Variants in NCF4 observed in about 807,000 individuals in gnomAD.
NCF4 encodes the protein neutrophil cytosol factor 4.
NCF4 carries 30 observed loss-of-function variants against 41.7 expected under a neutral mutation model. That is an observed-to-expected ratio of 0.72 (90% confidence interval 0.54 to 0.97). NCF4 has a LOEUF of 0.97. NCF4 is among the 50% of genes least tolerant of loss of function. NCF4 has a pLI of 0.00. For missense variants in NCF4, 432 were observed against 460.9 expected (o/e 0.94, Z 0.57); for synonymous variants, 195 against 175.8 (o/e 1.11, Z -0.87).
At position 36,871,917 on chromosome 22, in the gene NCF4, G is replaced by A. The variant is rs12160812; in HGVS notation, c.528+208G>A. Among the ~76,000 whole-genome samples the A allele has an allele frequency of 0.019, 2,934 of 152,338 alleles. 105 individuals are homozygous for A. Among genetic ancestry groups the A allele is most frequent in the African/African-American group, 0.068 (2,827 of 41,574 alleles). On this transcript the variant is annotated intron_variant, in intron 6 of 9. Transcript: ENST00000248899. Reference sequence around the variant, plus strand: ...AGGGGAGGGCATGTGACCAGCGTGCGGAGCCAGAGGAGAATGCTTCCATCC... The same window carrying A: ...AGGGGAGGGCATGTGACCAGCGTGCAGAGCCAGAGGAGAATGCTTCCATCC...
chr22:36,865,210 T>C lies in NCF4; in HGVS notation c.271+138T>C. On this transcript the variant is annotated intron_variant, in intron 3 of 9. Coordinates refer to ENST00000248899, the MANE Select transcript of NCF4 (RefSeq NM_000631.5). This position sits in a 1 kb window ranked among gnomAD's most constrained non-coding sequence, Gnocchi z 4.3. Reference sequence around the variant, plus strand: ...GTTTATAGCCCCCACTCCCGGCAGTTACAGGCTGCCAAGCCCTCCCTGCAT... The same window carrying C: ...GTTTATAGCCCCCACTCCCGGCAGTCACAGGCTGCCAAGCCCTCCCTGCAT... The C allele has an allele frequency of 7.6e-7, 1 of 1,314,462 alleles. No individual in the cohort carries two copies. Among genetic ancestry groups the C allele is most frequent in the Non-Finnish European group, 1.1e-6 (1 of 950,118 alleles). 81.4% of individuals were successfully genotyped at this position (1,314,462 alleles called of 1,614,324 possible).
intron 4 of NCF4, 121 bp downstream of exon 4, chr22:36,867,583 C>A: frequency 9.6e-7 from 1 of 1,046,170 alleles, no homozygotes; most frequent in Non-Finnish European, 1.5e-6. Context: ...TCTGATGGCC[C>A]CATCTTCAAT....
In NCF4 at chr22:36,872,037, A is replaced by G. The variant is rs4821546; in HGVS notation, c.529-290A>G. 0.71 allele frequency: 471,007 copies of G among 664,506 alleles called. 169,728 individuals are homozygous for G. Among genetic ancestry groups the G allele is most frequent in the Admixed American group, 0.77 (34,163 of 44,428 alleles). 41.2% of individuals were successfully genotyped at this position (664,506 alleles called of 1,614,324 possible). On this transcript the variant is annotated intron_variant, in intron 6 of 9. Coordinates refer to ENST00000248899, the MANE Select transcript of NCF4 (RefSeq NM_000631.5). ...AGATGACTCAGACAAGGCCCAGCCC[A>G]CGATGAAGCCTGGGGACCAGGGTGG...
chr22:36,875,577 C>T lies in NCF4; in HGVS notation c.628-76C>T, dbSNP rs532614397. 6.5e-4 allele frequency: 896 copies of T among 1,378,334 alleles called. 2 individuals carry two copies. Among genetic ancestry groups the T allele is most frequent in the Non-Finnish European group, 8.6e-4 (841 of 977,218 alleles). 85.4% of individuals were successfully genotyped at this position (1,378,334 alleles called of 1,614,324 possible). ...CATCTGCCTTTCCCCATCACTAGAA[C>T]GGGGCTGAGGGCTCTGAGGCGTGGC... On this transcript the variant is annotated intron_variant, in intron 7 of 9. Transcript: ENST00000248899.
chr22:36,876,028 G>C lies in NCF4; in HGVS notation c.759-1G>C, dbSNP rs200347935. 6.6e-5 allele frequency: 107 copies of C among 1,613,140 alleles called. No individual in the cohort carries two copies. Among genetic ancestry groups the C allele is most frequent in the Non-Finnish European group, 8.8e-5 (104 of 1,179,346 alleles). ...CTTACTCCAGCCTGTCACCCCCTTA[G>C]GGACATCGCGGTGGAGGAAGATCTC... On this transcript the variant is annotated splice_acceptor_variant, in intron 8 of 9. Transcript: ENST00000248899. LOFTEE classifies it high-confidence loss of function.
In NCF4 at chr22:36,877,816, T is replaced by G. The variant is rs762365393; in HGVS notation, c.1013T>G (p.Met338Arg). 1.2e-6 allele frequency: 2 copies of G among 1,613,352 alleles called. No individual in the cohort carries two copies. The highest frequency in any genetic ancestry group is 2.2e-5 in the South Asian group (2 of 90,986). The change falls in exon 10 of 10, where the codon ATG becomes AGG. Residue 338 changes from methionine to arginine, a missense_variant. Met to Arg is a moderately conservative substitution (Grantham distance 91). Transcript: ENST00000248899. ...QKDNYRVYNT[M>R]P ...GACAACTACAGGGTCTACAACACGATGCCATGAGCTGACGGTGTCCCTGGA... is the reference window on the plus strand; with the variant it reads ...GACAACTACAGGGTCTACAACACGAGGCCATGAGCTGACGGTGTCCCTGGA...
In NCF4 at chr22:36,865,904, CT is replaced by C. The variant is rs147482033; in HGVS notation, c.271+833del. Among the ~76,000 whole-genome samples the C allele has an allele frequency of 1.3e-5, 2 of 152,194 alleles. No homozygotes were observed. The highest frequency in any genetic ancestry group is 3.9e-4 in the East Asian group (2 of 5,178). On this transcript the variant is annotated intron_variant, in intron 3 of 9. Transcript: ENST00000248899. The surrounding 1 kb of genome is among the most constrained non-coding windows in gnomAD (Gnocchi z 4.3). The stretch of plus-strand genomic sequence containing the variant: ...CCCACCAAGGAACTTGAAGCTCCCC[CT>C]AGGAGTCTTGCCTACTCTAAGCCAG...
intron 2 of NCF4, among the ~76,000 whole-genome samples, chr22:36,864,597 T>C (rs1339779787): frequency 6.6e-6 from 1 of 152,210 alleles, no homozygotes; most frequent in Admixed American, 6.5e-5. Flanking sequence ...CTCTGCACCA[T>C]GACCTCCAAG....
At chr22:36,874,200 G>A (rs1940144049) in intron 7 of NCF4, among the ~76,000 whole-genome samples, 1 of 152,244 alleles carries the variant, frequency 6.6e-6, no homozygotes, top group African/African-American at 2.4e-5. Context: ...GTCCCTGTGT[G>A]GCCCACAGAA....
intron 7 of NCF4, 60 bp downstream of exon 7, chr22:36,872,485 G>A (rs903990674): frequency 1.4e-6 from 2 of 1,406,970 alleles, no homozygotes; most frequent in Non-Finnish European, 2.0e-6. Flanking sequence ...GAAATTAAAA[G>A]TGAAGATAGA....
intron 3 of NCF4, 82 bp from the exon 4 acceptor site, chr22:36,867,310 G>A (rs1370729256): frequency 1.4e-4 from 211 of 1,461,770 alleles, no homozygotes; most frequent in Non-Finnish European, 1.8e-5. Context: ...CTCTGGCCAG[G>A]GTTCCTGGCC....
intron 4 of NCF4, among the ~76,000 whole-genome samples, chr22:36,869,070 C>T (rs35653530): frequency 1.3e-4 from 20 of 152,290 alleles, no homozygotes; most frequent in African/African-American, 3.9e-4. Flanking sequence ...TCTTGATACA[C>T]GTTTATTGAT....
intron 9 of NCF4, among the ~76,000 whole-genome samples, chr22:36,876,912 A>ACC (rs1357109963): frequency 6.6e-6 from 1 of 152,154 alleles, no homozygotes; most frequent in Non-Finnish European, 1.5e-5. Context: ...TTCTACGTAC[A>ACC]CCAGCCAAGT....
intron 1 of NCF4, among the ~76,000 whole-genome samples, chr22:36,863,760 A>G (rs1175773188): frequency 1.3e-5 from 2 of 151,328 alleles, no homozygotes; most frequent in East Asian, 3.9e-4. Flanking sequence ...GGCTATTGCT[A>G]TATGGTCACC....
In NCF4 at chr22:36,870,415, A is replaced by T. The variant is rs1940025900; in HGVS notation, c.343A>T (p.Ser115Cys). Residue 115 changes from serine to cysteine, a missense_variant and splice_region_variant, in exon 5 of 10, where the codon AGC becomes TGC. Ser to Cys is a moderately radical substitution (Grantham distance 112). Coordinates refer to ENST00000248899, the MANE Select transcript of NCF4 (RefSeq NM_000631.5). Reference sequence around the variant, plus strand: ...CGGTTCTGCTGTCTCACCCACACAGAGCCTGCTCAGCCTGCCGGTCTGGGT... The same window carrying T: ...CGGTTCTGCTGTCTCACCCACACAGTGCCTGCTCAGCCTGCCGGTCTGGGT... ...RIPALNAYMK[S>C]LLSLPVWVLM... 6.2e-7 allele frequency: 1 copy of T among 1,613,670 alleles called. No homozygotes were observed. Among genetic ancestry groups the T allele is most frequent in the Admixed American group, 1.7e-5 (1 of 59,990 alleles).
At chr22:36,862,612 G>A (rs1205088261) in intron 1 of NCF4, among the ~76,000 whole-genome samples, 2 of 152,200 alleles carry the variant, frequency 1.3e-5, no homozygotes, top group East Asian at 3.9e-4. Context: ...CTCAGAGGGG[G>A]AGGGACTGCT....
intron 5 of NCF4, among the ~76,000 whole-genome samples, chr22:36,870,850 G>C (rs1940039760): frequency 6.6e-6 from 1 of 152,174 alleles, no homozygotes; most frequent in Non-Finnish European, 1.5e-5. Context: ...AAAGAATTGG[G>C]GGCAGAGAGG....
At chr22:36,863,148 C>G (rs778089996) in intron 1 of NCF4, among the ~76,000 whole-genome samples, 1 of 152,132 alleles carries the variant, frequency 6.6e-6, no homozygotes, top group Non-Finnish European at 1.5e-5. Context: ...TAATTGCAGA[C>G]GACGGTAGTG....
At chr22:36,867,258 T>C in intron 3 of NCF4, 134 bp from the exon 4 acceptor site, 1 of 902,202 alleles carries the variant, frequency 1.1e-6, no homozygotes, top group Non-Finnish European at 1.8e-6. Context: ...TTCAGTGCTG[T>C]GAAAAGATAA....
Sources: allele counts gnomAD v4.1 joint callset (sites outside exome capture counted in the v4.1 genomes callset), GRCh38; gene constraint gnomAD v4.1.1; non-coding constraint Gnocchi (gnomAD v3.1); transcripts MANE v1.5; gene names NCBI Gene and HGNC (gene_info 2026-07-23, HGNC 2026-07-21).